Variants in RNF212 observed in about 807,000 individuals in gnomAD.
RNF212 encodes ring finger protein 212, also known as probable E3 SUMO-protein ligase RNF212.
RNF212 carries 33 observed loss-of-function variants against 34.7 expected under a neutral mutation model. That is an observed-to-expected ratio of 0.95 (90% CI 0.72 to 1.27). The LOEUF is 1.27. Among genes scored for constraint, RNF212 ranks in the 50% most tolerant of loss-of-function variants. RNF212 has a pLI of 0.00. For synonymous variants in RNF212, 140 were observed against 136.1 expected (o/e 1.03, Z -0.20); for missense variants, 377 against 362.2 (o/e 1.04, Z -0.33).
At chr4:1,093,570 G>A in intron 3 of RNF212, 1 of 1,536,024 alleles carries the variant, frequency 6.5e-7, no homozygotes, top group Non-Finnish European at 8.7e-7. Flanking sequence ...AAGCCTGAGA[G>A]GCACGAGAGG....
At chr4:1,059,946 T>C (rs954151630) in intron 3 of RNF212, among the ~76,000 whole-genome samples, 1 of 151,212 alleles carries the variant, frequency 6.6e-6, no homozygotes, top group Non-Finnish European at 1.5e-5. Context: ...AATACAAAAT[T>C]AGCCAGGCGT....
chr4:1,104,865 A>C (rs949879382), intron 2 of RNF212, among the ~76,000 whole-genome samples: 1 of 152,108 alleles, frequency 6.6e-6, no homozygotes, highest in Non-Finnish European at 1.5e-5. Flanking sequence ...ACAGCTAAGA[A>C]ACACTCCCCA....
chr4:1,084,391 A>G (rs1720842408), intron 5 of RNF212, among the ~76,000 whole-genome samples: 1 of 152,098 alleles, frequency 6.6e-6, no homozygotes, highest in South Asian at 2.1e-4. Context: ...TGCGTTTACA[A>G]TCTTCTAGAA....
At chr4:1,070,778 A>G (rs186589061), downstream of RNF212, among the ~76,000 whole-genome samples, 173 of 152,370 alleles carry the variant, frequency 1.1e-3, no homozygotes, top group African/African-American at 3.5e-3. Context: ...CATCGGTAAC[A>G]TGCTCAGTGG....
At chr4:1,091,785 G>GCCTCGCGGTTTCCTGGCTGCTGCGT (rs1257709571) in intron 3 of RNF212, among the ~76,000 whole-genome samples, 1 of 152,246 alleles carries the variant, frequency 6.6e-6, no homozygotes, top group Admixed American at 6.5e-5. Context: ...AGGGATGACA[G>GCCTCGCGGTTTCCTGGCTGCTGCGT]CCTCGCGGTT....
At chr4:1,089,119 C>T (rs1333816806) in intron 4 of RNF212, among the ~76,000 whole-genome samples, 1 of 152,214 alleles carries the variant, frequency 6.6e-6, no homozygotes, top group African/African-American at 2.4e-5. Flanking sequence ...GTAGACCCAT[C>T]AACAGCTTGC....
At position 1,081,564 on chromosome 4, in the gene RNF212, T is replaced by C; in HGVS notation, c.415+3A>G. The C allele has an allele frequency of 6.2e-7, 1 of 1,610,456 alleles. No individual in the cohort carries two copies. Among genetic ancestry groups the C allele is most frequent in the Non-Finnish European group, 8.5e-7 (1 of 1,176,760 alleles). On this transcript the variant is annotated splice_donor_region_variant and intron_variant, in intron 6 of 9. Transcript: ENST00000433731. ...GTTCTCTTTCTGGCATGATTTTACT[T>C]ACTTGAAACTGAACTTTTTATTGTG...
intron 1 of RNF212, among the ~76,000 whole-genome samples, chr4:1,111,741 A>G (rs1725691989): frequency 6.6e-6 from 1 of 152,182 alleles, no homozygotes; most frequent in South Asian, 2.1e-4. Context: ...CCCAGGTTAC[A>G]CACCCAACAG....
intron 1 of RNF212, among the ~76,000 whole-genome samples, chr4:1,110,884 C>T (rs1725552802): frequency 6.6e-6 from 1 of 152,174 alleles, no homozygotes. Flanking sequence ...TGCACTCAGA[C>T]TACTGGAATC....
intron 4 of RNF212, chr4:1,058,214 C>T (rs866027980): frequency 4.9e-6 from 1 of 202,522 alleles, no homozygotes; most frequent in East Asian, 2.3e-4. Flanking sequence ...CTGACAATTT[C>T]CTTTAAAACG....
intron 3 of RNF212, 66 bp from the exon 4 acceptor site, chr4:1,090,904 G>C: frequency 9.6e-7 from 1 of 1,036,548 alleles, no homozygotes; most frequent in South Asian, 1.3e-5. Context: ...AGTTTTGTTG[G>C]GGGAGGAGGA....
chr4:1,103,924 G>T (rs1347278761), intron 2 of RNF212, among the ~76,000 whole-genome samples: 1 of 152,144 alleles, frequency 6.6e-6, no homozygotes, highest in East Asian at 1.9e-4. Context: ...TAGAAAGAGA[G>T]ATCTAAAGCG....
Position 1,093,548 on chromosome 4 carries a change from G to A in RNF212, c.247-2710C>T, listed in dbSNP as rs1401761929. 17 of 1,535,476 alleles carry A rather than the reference G, an allele frequency of 1.1e-5. 1 individual carries two copies. In the African/African-American group the frequency reaches 1.2e-4, roughly 11 times the overall value. The stretch of plus-strand genomic sequence containing the variant: ...ACTGGGCAGAGCCTGTGACCTCCAC[G>A]GCCCATGCCGGAAGCCTGAGAGGCA... On this transcript the variant is annotated intron_variant, in intron 3 of 9. Transcript: ENST00000433731.
chr4:1,071,516 T>C lies in RNF212; in HGVS notation c.*1358A>G, dbSNP rs2153035389. The C allele has an allele frequency of 6.6e-6, 1 of 152,210 alleles. No homozygotes were observed. The highest frequency in any genetic ancestry group is 1.9e-4 in the East Asian group (1 of 5,182). 9.4% of individuals were successfully genotyped at this position (152,210 alleles called of 1,614,324 possible). ...TACATATTTATCTGATAAGGAAATG[T>C]CATCCAAAAAAAAGACACACAAAAA... On this transcript the variant is annotated 3_prime_UTR_variant, in exon 10 of 10. Transcript: ENST00000433731.
At chr4:1,064,606 T>TA (rs1717968072) in intron 3 of RNF212, among the ~76,000 whole-genome samples, 1 of 152,120 alleles carries the variant, frequency 6.6e-6, no homozygotes, top group Non-Finnish European at 1.5e-5. Context: ...GCAGAGTTAG[T>TA]AAGCAAGCTC....
intron 4 of RNF212, chr4:1,056,843 C>T (rs531453338): frequency 3.0e-6 from 3 of 987,850 alleles, no homozygotes; most frequent in African/African-American, 3.5e-5. Flanking sequence ...CTTGCCTAAA[C>T]ACTGCCTCTG....
intron 4 of RNF212, among the ~76,000 whole-genome samples, chr4:1,088,115 C>A (rs924932353): frequency 1.1e-4 from 16 of 152,078 alleles, no homozygotes; most frequent in Admixed American, 1.0e-3. Flanking sequence ...TTGGAGGGCT[C>A]AGAAAAAGAC....
chr4:1,113,594 C>T (rs1726180668), upstream of RNF212: 2 of 622,648 alleles, frequency 3.2e-6, no homozygotes, highest in East Asian at 3.6e-5. Context: ...CAGCCCTGCG[C>T]CCGCGCACTG....
intron 7 of RNF212, among the ~76,000 whole-genome samples, chr4:1,080,113 G>A (rs781369392): frequency 1.3e-5 from 2 of 152,204 alleles, no homozygotes; most frequent in African/African-American, 2.4e-5. Context: ...ATACCACACC[G>A]TGCACGCTCG....
Sources: allele counts gnomAD v4.1 joint callset (sites outside exome capture counted in the v4.1 genomes callset), GRCh38; gene constraint gnomAD v4.1.1; transcripts MANE v1.5; gene names NCBI Gene and HGNC (gene_info 2026-07-23, HGNC 2026-07-21).